PTPRN2: variants seen among roughly 807,000 people sequenced by gnomAD.
The protein encoded by PTPRN2 is receptor-type tyrosine-protein phosphatase N2.
PTPRN2 carries 74 observed loss-of-function variants against 118.8 expected under a neutral mutation model. The observed-to-expected ratio is 0.62, with a 90% CI of 0.52 to 0.76. The LOEUF is 0.76. Ranked by LOEUF, PTPRN2 falls within the 30% of genes least tolerant of loss-of-function variation. PTPRN2 has a pLI of 0.00. For synonymous variants in PTPRN2, 641 were observed against 608.0 expected (o/e 1.05, Z -0.80); for missense variants, 1,481 against 1,394.4 (o/e 1.06, Z -0.99).
At chr7:157,710,862 A>C in intron 12 of PTPRN2, among the ~76,000 whole-genome samples, 1 of 49,444 alleles carries the variant, frequency 2.0e-5, no homozygotes, top group Non-Finnish European at 4.1e-5. Flanking sequence ...CACGCGCCGG[A>C]GGTTCCGGGG....
chr7:158,462,894 T>A (rs1188715282), intron 2 of PTPRN2, among the ~76,000 whole-genome samples: 1 of 151,058 alleles, frequency 6.6e-6, no homozygotes, highest in Non-Finnish European at 1.5e-5. Flanking sequence ...ATCAATAACA[T>A]AAATTATTTC....
chr7:157,568,254 A>G (rs1325779981), intron 21 of PTPRN2, among the ~76,000 whole-genome samples: 2 of 151,974 alleles, frequency 1.3e-5, no homozygotes, highest in Non-Finnish European at 2.9e-5. Context: ...CCGTCTGCGC[A>G]TGCTGCCGCT....
chr7:158,169,283 T>C (rs1823307772), intron 5 of PTPRN2, among the ~76,000 whole-genome samples: 1 of 152,082 alleles, frequency 6.6e-6, no homozygotes. Context: ...CCCTCTTTCA[T>C]CCAGGCTGGA....
chr7:158,291,745 T>C (rs1800132030), intron 3 of PTPRN2, among the ~76,000 whole-genome samples: 1 of 152,228 alleles, frequency 6.6e-6, no homozygotes, highest in African/African-American at 2.4e-5. Flanking sequence ...AACTCGATTC[T>C]TGACTTCAAA....
chr7:157,614,610 C>T (rs77446601), intron 15 of PTPRN2, among the ~76,000 whole-genome samples: 1,889 of 152,224 alleles, frequency 0.012, 35 homozygotes, highest in African/African-American at 0.043. Flanking sequence ...ATAGCAATGG[C>T]GCTGTGGGCT....
rs569015139 is a variant in PTPRN2 at position 158,212,087 on chromosome 7, T to C, written c.278-6814A>G. ...ACAACATGGATGGAACTGAAAATCA[T>C]TATGTTAAGTGAAATAAGCCAGACA... On this transcript the variant is annotated intron_variant, in intron 3 of 22. Transcript: ENST00000389418. Among the ~76,000 whole-genome samples, 11 of 152,316 alleles carry C rather than the reference T, an allele frequency of 7.2e-5. No homozygotes were observed. The South Asian group carries it at 2.3e-3, about 32-fold the overall frequency.
At chr7:158,370,936 G>T (rs542201061) in intron 2 of PTPRN2, among the ~76,000 whole-genome samples, 7 of 152,112 alleles carry the variant, frequency 4.6e-5, no homozygotes, top group African/African-American at 1.7e-4. Context: ...ACACACAACT[G>T]TTTTTGAATT....
intron 11 of PTPRN2, among the ~76,000 whole-genome samples, chr7:157,920,750 C>T (rs73517052): frequency 0.098 from 14,971 of 152,126 alleles, 2,362 homozygotes; most frequent in African/African-American, 0.33. Flanking sequence ...CAGACATCAA[C>T]CCTATACCCT....
At chr7:158,148,542 C>T (rs1585626396) in intron 6 of PTPRN2, among the ~76,000 whole-genome samples, 1 of 116,626 alleles carries the variant, frequency 8.6e-6, no homozygotes, top group African/African-American at 3.1e-5. Flanking sequence ...ACAGGTCTTT[C>T]CCCCTCACTG....
At chr7:158,471,874 G>A (rs1036984488) in intron 2 of PTPRN2, among the ~76,000 whole-genome samples, 2 of 152,240 alleles carry the variant, frequency 1.3e-5, no homozygotes, top group Non-Finnish European at 2.9e-5. Flanking sequence ...CTGGGTGCGT[G>A]TCTGTTGCCC....
Position 157,882,706 on chromosome 7 carries a change from T to C in PTPRN2, c.1788+15967A>G, listed in dbSNP as rs566916599. 2.1e-3 allele frequency among the ~76,000 whole-genome samples: 239 copies of C among 111,400 alleles called. 1 individual carries two copies. Among genetic ancestry groups the C allele is most frequent in the Non-Finnish European group, 3.2e-3 (174 of 54,866 alleles). 73.1% of individuals were successfully genotyped at this position (111,400 alleles called of 152,430 possible). ...CAAAAATGACTGTCGGAGAACAGAA[T>C]ACACCACCCCAAAAAACTGTTGAAG... is the stretch of plus-strand genomic sequence containing the variant. On this transcript the variant is annotated intron_variant, in intron 12 of 22. Transcript: ENST00000389418.
intron 11 of PTPRN2, among the ~76,000 whole-genome samples, chr7:157,976,145 C>T (rs1429071333): frequency 6.6e-6 from 1 of 152,244 alleles, no homozygotes; most frequent in Non-Finnish European, 1.5e-5. Flanking sequence ...GGGAAAGGGG[C>T]CTCAGCCAGG....
At chr7:158,461,278 G>A (rs1427307978) in intron 2 of PTPRN2, among the ~76,000 whole-genome samples, 2 of 152,214 alleles carry the variant, frequency 1.3e-5, no homozygotes, top group Non-Finnish European at 1.5e-5. Flanking sequence ...GGTGGATCAC[G>A]AGGTCAAGAG....
At chr7:157,708,298 C>T (rs2150881310) in intron 12 of PTPRN2, among the ~76,000 whole-genome samples, 1 of 152,366 alleles carries the variant, frequency 6.6e-6, no homozygotes, top group Middle Eastern at 3.4e-3. Context: ...CATTCCCTGC[C>T]TTCCAGGCGG....
chr7:158,064,760 C>T (rs532034900), intron 11 of PTPRN2, among the ~76,000 whole-genome samples: 22 of 152,076 alleles, frequency 1.4e-4, no homozygotes, highest in Non-Finnish European at 2.5e-4. Flanking sequence ...AAAGGGTCAC[C>T]CTCCCCGCAA....
intron 2 of PTPRN2, among the ~76,000 whole-genome samples, chr7:158,388,846 G>A (rs1811706749): frequency 6.6e-6 from 1 of 152,174 alleles, no homozygotes; most frequent in Non-Finnish European, 1.5e-5. Context: ...CAGGAGCCAG[G>A]AACCAGACAC....
At chr7:158,073,409 C>T (rs559779916) in intron 11 of PTPRN2, among the ~76,000 whole-genome samples, 40 of 152,180 alleles carry the variant, frequency 2.6e-4, no homozygotes, top group Non-Finnish European at 4.7e-4. Flanking sequence ...GCTTCAGGGC[C>T]GCACTGGCCT....
intron 11 of PTPRN2, among the ~76,000 whole-genome samples, chr7:158,004,843 C>T (rs1355432862): frequency 6.6e-6 from 1 of 152,276 alleles, no homozygotes. Context: ...CTTTAAAATG[C>T]TTGTTTCTGT....
chr7:157,895,187 A>G (rs565164194), intron 12 of PTPRN2, among the ~76,000 whole-genome samples: 1 of 151,748 alleles, frequency 6.6e-6, no homozygotes, highest in Non-Finnish European at 1.5e-5. Flanking sequence ...AAGCCAGAGG[A>G]TCTGGACGAG....
Sources: allele counts gnomAD v4.1 joint callset (sites outside exome capture counted in the v4.1 genomes callset), GRCh38; gene constraint gnomAD v4.1.1; transcripts MANE v1.5; gene names NCBI Gene and HGNC (gene_info 2026-07-23, HGNC 2026-07-21).